The following CNMD variants were observed in gnomAD, a reference collection of about 807,000 sequenced individuals.
CNMD encodes the protein leukocyte cell-derived chemotaxin 1.
CNMD carries 30 observed loss-of-function variants against 37.5 expected under a neutral mutation model. The observed-to-expected ratio is 0.80, with a 90% CI of 0.60 to 1.09. The LOEUF (loss-of-function observed/expected upper bound fraction) is 1.09, where lower values mean the gene tolerates loss of function less well. CNMD is among the 50% of genes least tolerant of loss of function. CNMD has a pLI of 0.00. For synonymous variants in CNMD, 167 were observed against 148.2 expected, an observed-to-expected ratio of 1.13 and a Z score of -0.92; for missense variants, 398 against 423.9, an observed-to-expected ratio of 0.94 and a Z score of 0.54.
At chr13:52,706,822 CTG>C (rs1964186869) in intron 6 of CNMD, among the ~76,000 whole-genome samples, 1 of 151,906 alleles carries the variant, frequency 6.6e-6, no homozygotes, top group Admixed American at 6.6e-5. Flanking sequence ...GGGAGGGTGT[CTG>C]GAGTGGAAGG....
chr13:52,733,366 G>A lies in CNMD; in HGVS notation c.214-7C>T, dbSNP rs778178563. ...TGTAATGGACATTGTAAATCTGAAA[G>A]TGAGCATAAGAGTTAGTGATGCTTT... On this transcript the variant is annotated splice_polypyrimidine_tract_variant and splice_region_variant and intron_variant, in intron 2 of 6. Coordinates refer to ENST00000377962, the MANE Select transcript of CNMD (RefSeq NM_007015.3). The A allele has an allele frequency of 6.2e-7, 1 of 1,613,786 alleles. No homozygotes were observed. Among genetic ancestry groups the A allele is most frequent in the Non-Finnish European group, 8.5e-7 (1 of 1,179,724 alleles).
At chr13:52,721,372 C>G (rs186331644) in intron 4 of CNMD, among the ~76,000 whole-genome samples, 73 of 152,290 alleles carry the variant, frequency 4.8e-4, no homozygotes, top group Middle Eastern at 6.8e-3. Context: ...GCAGCTAGCT[C>G]GGTGTCTTCC....
chr13:52,736,518 G>A lies in CNMD; in HGVS notation c.213+2513C>T, dbSNP rs141262876. On this transcript the variant is annotated intron_variant, in intron 2 of 6. Transcript: ENST00000377962. ...CTGAAGCTACTAGGGGAGGATGTGG[G>A]GGGAGGAGGCAGTCCAGTTTCTAAC... is the stretch of plus-strand genomic sequence containing the variant. Among the ~76,000 whole-genome samples the A allele has an allele frequency of 1.6e-3, 241 of 152,316 alleles. 2 individuals are homozygous for A. Among genetic ancestry groups the A allele is most frequent in the African/African-American group, 5.5e-3 (227 of 41,568 alleles).
intron 4 of CNMD, among the ~76,000 whole-genome samples, chr13:52,714,678 A>T (rs541022473): frequency 6.6e-6 from 1 of 152,328 alleles, no homozygotes; most frequent in Non-Finnish European, 1.5e-5. Context: ...ATGATAAAGC[A>T]TATGTCCATT....
chr13:52,731,240 C>A (rs1964661260), intron 3 of CNMD, among the ~76,000 whole-genome samples: 1 of 152,188 alleles, frequency 6.6e-6, no homozygotes, highest in Non-Finnish European at 1.5e-5. Flanking sequence ...TAAACTGAAG[C>A]TATGTCTGTG....
At chr13:52,710,609 C>G (rs879279465) in intron 5 of CNMD, among the ~76,000 whole-genome samples, 20 of 152,202 alleles carry the variant, frequency 1.3e-4, no homozygotes, top group Non-Finnish European at 2.9e-4. Flanking sequence ...GGTAGGAAGC[C>G]TGGCATCATC....
At chr13:52,737,422 C>A (rs9536265) in intron 2 of CNMD, among the ~76,000 whole-genome samples, 89,425 of 151,972 alleles carry the variant, frequency 0.59, 26,323 homozygotes, top group African/African-American at 0.62. Context: ...GAATTCTTAG[C>A]ATTTAATACT....
At chr13:52,706,454 AAG>A (rs769596398) in intron 6 of CNMD, among the ~76,000 whole-genome samples, 2 of 152,354 alleles carry the variant, frequency 1.3e-5, no homozygotes, top group South Asian at 2.1e-4. Flanking sequence ...CCTGTGCTAA[AAG>A]AGCTCCACCT....
chr13:52,709,559 C>T (rs990102347), intron 5 of CNMD, among the ~76,000 whole-genome samples: 1 of 152,196 alleles, frequency 6.6e-6, no homozygotes, highest in Non-Finnish European at 1.5e-5. Flanking sequence ...TCAGAAAGGC[C>T]AAGTGACTTG....
intron 4 of CNMD, among the ~76,000 whole-genome samples, chr13:52,719,657 A>C (rs1964447808): frequency 6.6e-6 from 1 of 152,040 alleles, no homozygotes; most frequent in Non-Finnish European, 1.5e-5. Context: ...ATTGGCCCCC[A>C]CTCTCTTTTG....
At chr13:52,736,925 T>C (rs1048646506) in intron 2 of CNMD, among the ~76,000 whole-genome samples, 2 of 152,270 alleles carry the variant, frequency 1.3e-5, no homozygotes, top group South Asian at 2.1e-4. Flanking sequence ...GGATGAAAAA[T>C]GGCCTCAATA....
At chr13:52,703,860 A>G (rs1426829837) in intron 6 of CNMD, 50 bp from the exon 7 acceptor site, 2 of 1,464,924 alleles carry the variant, frequency 1.4e-6, no homozygotes, top group Non-Finnish European at 1.9e-6. Context: ...TGGGAAGGTC[A>G]TAGCATGCAT....
Position 52,739,663 on chromosome 13 carries a change from C to A in CNMD, c.39G>T (p.Val13=). The change falls in exon 1 of 7, where the codon GTG becomes GTT. Residue 13 remains valine, a synonymous_variant. Transcript: ENST00000377962. The surrounding 1 kb of genome is among the most constrained non-coding windows in gnomAD (Gnocchi z 5.4). ...TGCAGAATTCCACGTCATCAGGTCC[C>A]ACCAGGGCAATGGGAACTTTGTCGG... is the stretch of plus-strand genomic sequence containing the variant. ...ENSDKVPIAL[V]GPDDVEFCSP... The A allele has an allele frequency of 6.2e-7, 1 of 1,614,188 alleles. No homozygotes were observed. Among genetic ancestry groups the A allele is most frequent in the Non-Finnish European group, 8.5e-7 (1 of 1,180,012 alleles).
intron 2 of CNMD, among the ~76,000 whole-genome samples, chr13:52,735,988 C>T (rs373875092): frequency 6.6e-6 from 1 of 151,908 alleles, no homozygotes; most frequent in East Asian, 2.0e-4. Context: ...CGCCACCACG[C>T]CCAGCTAATT....
chr13:52,734,616 C>T (rs1310213385), intron 2 of CNMD, among the ~76,000 whole-genome samples: 2 of 151,510 alleles, frequency 1.3e-5, no homozygotes, highest in Admixed American at 1.3e-4. Flanking sequence ...ATATATCTTA[C>T]ATATGATATA....
chr13:52,733,387 G>A (rs759555723), intron 2 of CNMD, 28 bp from the exon 3 acceptor site: 1 of 1,612,462 alleles, frequency 6.2e-7, no homozygotes, highest in Non-Finnish European at 8.5e-7. Flanking sequence ...AGTTAGTGAT[G>A]CTTTCTTTTT....
intron 5 of CNMD, among the ~76,000 whole-genome samples, chr13:52,709,333 C>T (rs1964253306): frequency 6.6e-6 from 1 of 152,148 alleles, no homozygotes; most frequent in Non-Finnish European, 1.5e-5. Context: ...AACCTCCTCT[C>T]TCTAGACTTC....
At chr13:52,720,697 C>G in intron 4 of CNMD, among the ~76,000 whole-genome samples, 1 of 152,166 alleles carries the variant, frequency 6.6e-6, no homozygotes, top group East Asian at 1.9e-4. Context: ...GAGGGGCACC[C>G]ATCAGATGCC....
intron 4 of CNMD, among the ~76,000 whole-genome samples, chr13:52,716,561 C>T (rs924080160): frequency 4.6e-5 from 7 of 152,146 alleles, no homozygotes; most frequent in East Asian, 1.9e-4. Flanking sequence ...CAGTTTTCTA[C>T]GTATGGCTAG....
Sources: allele counts gnomAD v4.1 joint callset (sites outside exome capture counted in the v4.1 genomes callset), GRCh38; gene constraint gnomAD v4.1.1; non-coding constraint Gnocchi (gnomAD v3.1); transcripts MANE v1.5; gene names NCBI Gene and HGNC (gene_info 2026-07-23, HGNC 2026-07-21).